Variants in RYR3 observed in about 807,000 individuals in gnomAD.
RYR3 encodes ryanodine receptor 3, also known as brain ryanodine receptor-calcium release channel.
In RYR3, 207 loss-of-function variants were observed where a neutral mutation model predicts 584.3. That is an observed-to-expected ratio of 0.35 (90% CI 0.32 to 0.40). RYR3 has a LOEUF of 0.40. Ranked by LOEUF, RYR3 falls within the 10% of genes least tolerant of loss-of-function variation. The probability of loss-of-function intolerance (pLI) is 1.00; values close to 1 mark genes in which losing one functional copy is unlikely to be tolerated. For synonymous variants in RYR3, 2,416 were observed against 2,248.5 expected (o/e 1.07, Z -2.11); for missense variants, 5,616 against 6,089.2 (o/e 0.92, Z 2.59).
intron 70 of RYR3, among the ~76,000 whole-genome samples, chr15:33,810,269 G>A (rs991242047): frequency 6.6e-6 from 1 of 152,206 alleles, no homozygotes; most frequent in Admixed American, 6.5e-5. Context: ...GTGTGCATGC[G>A]CAGAAGGAGA....
chr15:33,315,974 C>T (rs1378655624), intron 1 of RYR3, among the ~76,000 whole-genome samples: 1 of 152,072 alleles, frequency 6.6e-6, no homozygotes, highest in Non-Finnish European at 1.5e-5. Context: ...GACATCTGTG[C>T]ATGTTTTTTT....
At chr15:33,589,846 G>A (rs1024996858) in intron 16 of RYR3, among the ~76,000 whole-genome samples, 19 of 152,298 alleles carry the variant, frequency 1.2e-4, no homozygotes, top group Middle Eastern at 3.4e-3. Flanking sequence ...CCAGTACCAT[G>A]CTATTTTGCT....
At chr15:33,345,616 C>T (rs1972358339) in intron 1 of RYR3, among the ~76,000 whole-genome samples, 2 of 152,126 alleles carry the variant, frequency 1.3e-5, no homozygotes, top group South Asian at 4.1e-4. Flanking sequence ...TGTACTCTGC[C>T]ATGCAGAGTA....
chr15:33,637,990 C>T (rs892411861), intron 27 of RYR3, among the ~76,000 whole-genome samples: 41 of 151,994 alleles, frequency 2.7e-4, no homozygotes, highest in African/African-American at 8.7e-4. Flanking sequence ...GTGTGATGTT[C>T]CCCTTCCTGT....
chr15:33,325,732 TCC>T (rs1297008961), intron 1 of RYR3, among the ~76,000 whole-genome samples: 1 of 7,896 alleles, frequency 1.3e-4, no homozygotes, highest in East Asian at 5.5e-3. Flanking sequence ...CCCTCTTCCT[TCC>T]TTCCTTCCTT....
rs778311050 is a variant in RYR3, at chr15:33,865,274, A to AAAT, written c.*51_*53dup. The stretch of plus-strand genomic sequence containing the variant: ...AATTCTGGACAGTCAACTTCCCATG[A>AAAT]AATAAAGTCCCCTTTTTACAGTTCT... On this transcript the variant is annotated 3_prime_UTR_variant, in exon 104 of 104. Transcript: ENST00000634891. 3.7e-6 allele frequency: 5 copies of AAAT among 1,342,116 alleles called. No individual in the cohort carries two copies. In the South Asian group the frequency reaches 6.1e-5, roughly 16 times the overall value. 83.1% of individuals were successfully genotyped at this position (1,342,116 alleles called of 1,614,324 possible).
chr15:33,459,405 G>A (rs147891889), intron 1 of RYR3, among the ~76,000 whole-genome samples: 10 of 152,308 alleles, frequency 6.6e-5, no homozygotes, highest in Non-Finnish European at 1.2e-4. Flanking sequence ...GTCTCTTGGA[G>A]ATAAAAATTC....
chr15:33,361,086 G>C (rs189587698), intron 1 of RYR3, among the ~76,000 whole-genome samples: 4 of 152,306 alleles, frequency 2.6e-5, no homozygotes, highest in African/African-American at 9.6e-5. Context: ...AGGCTTCTCA[G>C]CCTGCATACA....
chr15:33,381,139 G>A (rs1034624658), intron 1 of RYR3, among the ~76,000 whole-genome samples: 1 of 152,132 alleles, frequency 6.6e-6, no homozygotes, highest in African/African-American at 2.4e-5. Context: ...CTGCCGAGAT[G>A]AAGGAGTCCA....
chr15:33,738,486 T>C lies in RYR3; in HGVS notation c.7552T>C (p.Tyr2518His). Residue 2518 changes from tyrosine to histidine, a missense_variant, in exon 50 of 104, where the codon TAC becomes CAC. By Grantham distance (83) the Tyr-to-His change is moderately conservative (BLOSUM62 2). Around this residue, in one of 9 missense-constraint regions of RYR3, gnomAD observed 1,280 missense variants for 1,426.2 expected, o/e 0.90. Coordinates refer to ENST00000634891, the MANE Select transcript of RYR3 (RefSeq NM_001036.6). ...TNHYEQCWKY[Y>H]CLPSGWGSYG... ...TCACTATGAACAGTGTTGGAAGTAT[T>C]ACTGCCTGCCTTCAGGATGGGGGAG... 6.2e-7 allele frequency: 1 copy of C among 1,614,022 alleles called. No homozygotes were observed. Among genetic ancestry groups the C allele is most frequent in the African/African-American group, 1.3e-5 (1 of 75,062 alleles).
At chr15:33,488,939 A>C (rs1379626691) in intron 2 of RYR3, among the ~76,000 whole-genome samples, 1 of 152,202 alleles carries the variant, frequency 6.6e-6, no homozygotes, top group Non-Finnish European at 1.5e-5. Context: ...CCAGGAGGTA[A>C]AACCTAAGTC....
chr15:33,648,090 C>G (rs542140088), intron 30 of RYR3, among the ~76,000 whole-genome samples: 9 of 150,012 alleles, frequency 6.0e-5, no homozygotes, highest in African/African-American at 2.2e-4. Context: ...TCATCAGGAA[C>G]AAGATTCTTG....
At chr15:33,823,181 G>A in intron 81 of RYR3, 109 bp downstream of exon 81, 1 of 819,780 alleles carries the variant, frequency 1.2e-6, no homozygotes, top group South Asian at 1.9e-5. Context: ...ATTCTTGAGA[G>A]AGGAAGCACC....
intron 38 of RYR3, among the ~76,000 whole-genome samples, chr15:33,677,611 A>C (rs948600832): frequency 7.9e-5 from 12 of 152,204 alleles, no homozygotes; most frequent in African/African-American, 2.9e-4. Flanking sequence ...TGGCAGAATC[A>C]GGCTGCAAAC....
intron 28 of RYR3, among the ~76,000 whole-genome samples, chr15:33,646,107 C>T (rs542388788): frequency 4.6e-5 from 7 of 152,320 alleles, no homozygotes; most frequent in Non-Finnish European, 8.8e-5. Flanking sequence ...CCACCCTTGG[C>T]CTTACAGAGA....
chr15:33,678,959 A>G (rs988322262), intron 38 of RYR3, among the ~76,000 whole-genome samples: 18 of 152,246 alleles, frequency 1.2e-4, no homozygotes, highest in African/African-American at 4.3e-4. Flanking sequence ...AACCTGGGCC[A>G]GAGAGGCCCT....
At chr15:33,809,255 A>T (rs1176288315) in intron 70 of RYR3, among the ~76,000 whole-genome samples, 1 of 152,140 alleles carries the variant, frequency 6.6e-6, no homozygotes, top group African/African-American at 2.4e-5. Flanking sequence ...CTGTATCTGT[A>T]TGTCATGATA....
chr15:33,402,797 A>C (rs987875972), intron 1 of RYR3, among the ~76,000 whole-genome samples: 2 of 152,214 alleles, frequency 1.3e-5, no homozygotes, highest in Non-Finnish European at 2.9e-5. Context: ...TGTTTTGTCA[A>C]GTCTTAGCAG....
intron 10 of RYR3, among the ~76,000 whole-genome samples, chr15:33,556,798 C>A (rs925049080): frequency 6.6e-6 from 1 of 152,162 alleles, no homozygotes; most frequent in African/African-American, 2.4e-5. Flanking sequence ...TGGCTGCACT[C>A]ACATCAGGTA....
Sources: gnomAD v4.1 joint callset for allele counts (sites outside exome capture counted in the v4.1 genomes callset) on GRCh38, gnomAD v4.1.1 for gene constraint, gnomAD v4.1.1 regional missense constraint, MANE v1.5 for transcripts, NCBI Gene and HGNC (gene_info 2026-07-23, HGNC 2026-07-21) for gene names.